TMEM63C: variants seen among roughly 807,000 people sequenced by gnomAD.
The protein encoded by TMEM63C is transmembrane protein 63C, also known as osmosensitive cation channel TMEM63C.
TMEM63C carries 32 observed loss-of-function variants against 99.2 expected under a neutral mutation model. That is an observed-to-expected ratio of 0.32 (90% CI 0.24 to 0.43). TMEM63C has a LOEUF of 0.43. Ranked by LOEUF, TMEM63C falls within the 20% of genes least tolerant of loss-of-function variation. The pLI is 1.00. For missense variants in TMEM63C, 826 were observed against 1,053.0 expected (o/e 0.78, Z 2.98); for synonymous variants, 376 against 397.9 (o/e 0.94, Z 0.66).
chr14:77,191,764 G>A (rs892550902), intron 1 of TMEM63C, among the ~76,000 whole-genome samples: 7 of 151,530 alleles, frequency 4.6e-5, no homozygotes, highest in Non-Finnish European at 7.4e-5. Context: ...GGCTGGTCTC[G>A]AACTCCCGAC....
At chr14:77,203,617 C>T (rs1156404195) in intron 1 of TMEM63C, among the ~76,000 whole-genome samples, 1 of 152,246 alleles carries the variant, frequency 6.6e-6, no homozygotes, top group African/African-American at 2.4e-5. Flanking sequence ...CTTGGATCTC[C>T]TCCACCTGAC....
chr14:77,204,224 C>T (rs1320876083), intron 1 of TMEM63C, among the ~76,000 whole-genome samples: 1 of 151,750 alleles, frequency 6.6e-6, no homozygotes, highest in Admixed American at 6.6e-5. Context: ...TGCTCCACAA[C>T]ACTCAAATAT....
chr14:77,232,253 G>T (rs559615356), intron 7 of TMEM63C, among the ~76,000 whole-genome samples: 61 of 151,480 alleles, frequency 4.0e-4, no homozygotes, highest in African/African-American at 1.4e-3. Flanking sequence ...CCTTTGCCTA[G>T]CTAATATGTT....
At chr14:77,212,770 C>G (rs182562010) in intron 1 of TMEM63C, among the ~76,000 whole-genome samples, 1 of 152,314 alleles carries the variant, frequency 6.6e-6, no homozygotes, top group East Asian at 1.9e-4. Context: ...TCCTCCCTCA[C>G]TGCCCTGCAG....
In TMEM63C at chr14:77,210,306, G is replaced by A. The variant is rs117775246; in HGVS notation, c.-76-3140G>A. Among the ~76,000 whole-genome samples the A allele has an allele frequency of 4.3e-3, 652 of 152,244 alleles. 37 individuals carry two copies. In the East Asian group the frequency reaches 0.096, roughly 22 times the overall value. On this transcript the variant is annotated intron_variant, in intron 1 of 23. Transcript: ENST00000298351. ...TAAGGAGTCACTGAAAGCACTGAGT[G>A]GGGAGCCAAAAACCCCCAGTTCTAT...
chr14:77,207,134 A>G (rs1011207020), intron 1 of TMEM63C, among the ~76,000 whole-genome samples: 8 of 152,184 alleles, frequency 5.3e-5, no homozygotes, highest in Non-Finnish European at 1.0e-4. Context: ...CATAGGCAGA[A>G]AGCCATGGGT....
Position 77,225,720 on chromosome 14 carries a change from CT to C in TMEM63C, c.350+260del, listed in dbSNP as rs1460014197. On this transcript the variant is annotated intron_variant, in intron 6 of 23. Transcript: ENST00000298351. ...ACCACTTTTAATAGCTGAATCATTA[CT>C]CGCGTGCTTATAGAAATGCTTCTGT... 5.9e-5 allele frequency among the ~76,000 whole-genome samples: 9 copies of C among 152,316 alleles called. 1 individual carries two copies. The highest frequency in any genetic ancestry group is 1.9e-4 in the African/African-American group (8 of 41,568).
chr14:77,239,421 T>C lies in TMEM63C; in HGVS notation c.735T>C (p.Tyr245=), dbSNP rs17750422. The change falls in exon 11 of 24, where the codon TAT becomes TAC. Residue 245 remains tyrosine (Y), a synonymous_variant. Transcript: ENST00000298351. ...ATGTTTGTGGCTGCAGCGAGGCCTA[T>C]CCAGGCAGTGTCGTGACAAGAGTCC... is the stretch of plus-strand genomic sequence containing the variant. The part of the protein sequence containing the change: ...ELIIKHFHEA[Y]PGSVVTRVHF... 2.6e-3 allele frequency: 4,272 copies of C among 1,613,628 alleles called. 4 individuals carry two copies. The highest frequency in any genetic ancestry group is 3.3e-3 in the Non-Finnish European group (3,943 of 1,179,854).
chr14:77,240,401 G>A, intron 12 of TMEM63C, 74 bp from the exon 13 acceptor site: 2 of 1,505,608 alleles, frequency 1.3e-6, no homozygotes, highest in East Asian at 2.4e-5. Context: ...AGGCTTGAGT[G>A]GGGAGGAACC....
chr14:77,184,408 T>C (rs1887963340), intron 1 of TMEM63C, among the ~76,000 whole-genome samples: 1 of 152,188 alleles, frequency 6.6e-6, no homozygotes, highest in Admixed American at 6.5e-5. Flanking sequence ...CCTACAGGCC[T>C]GTACCCTCCC....
At chr14:77,207,589 C>G (rs527994552) in intron 1 of TMEM63C, among the ~76,000 whole-genome samples, 67 of 152,348 alleles carry the variant, frequency 4.4e-4, no homozygotes, top group African/African-American at 1.5e-3. Flanking sequence ...CTGCCTTTGT[C>G]TCTCTCCAGC....
chr14:77,203,617 C>A (rs1156404195), intron 1 of TMEM63C, among the ~76,000 whole-genome samples: 1 of 152,246 alleles, frequency 6.6e-6, no homozygotes, highest in Non-Finnish European at 1.5e-5. Flanking sequence ...CTTGGATCTC[C>A]TCCACCTGAC....
intron 1 of TMEM63C, among the ~76,000 whole-genome samples, chr14:77,192,873 A>T (rs1178513942): frequency 6.6e-6 from 1 of 152,146 alleles, no homozygotes; most frequent in African/African-American, 2.4e-5. Flanking sequence ...AAGAACAACA[A>T]CAACAGGAGG....
At chr14:77,226,166 C>G (rs964062093) in intron 6 of TMEM63C, among the ~76,000 whole-genome samples, 2 of 152,222 alleles carry the variant, frequency 1.3e-5, no homozygotes, top group African/African-American at 4.8e-5. Flanking sequence ...GCCTCCACCT[C>G]AGACCCCACA....
chr14:77,187,398 C>T (rs4313745), intron 1 of TMEM63C, among the ~76,000 whole-genome samples: 90,782 of 152,096 alleles, frequency 0.6, 27,356 homozygotes, highest in East Asian at 0.79. Context: ...TCTCGAGTCA[C>T]GGGAGCAGGG....
intron 2 of TMEM63C, among the ~76,000 whole-genome samples, chr14:77,215,591 A>C (rs1192765324): frequency 2.1e-5 from 3 of 141,730 alleles, no homozygotes; most frequent in African/African-American, 8.2e-5. Flanking sequence ...ACAGAGTGAG[A>C]CTCTGTCTCA....
chr14:77,228,789 G>A (rs1888882101), intron 6 of TMEM63C, among the ~76,000 whole-genome samples: 1 of 151,960 alleles, frequency 6.6e-6, no homozygotes, highest in South Asian at 2.1e-4. Context: ...TGCCCATCTT[G>A]GCCCCCCAAA....
chr14:77,231,843 G>A (rs1888949066), intron 7 of TMEM63C, 113 bp downstream of exon 7: 1 of 1,242,446 alleles, frequency 8.0e-7, no homozygotes, highest in East Asian at 2.6e-5. Flanking sequence ...CTGCCTCTGG[G>A]AGTTTGTTGT....
At chr14:77,210,393 C>A (rs1888475329) in intron 1 of TMEM63C, among the ~76,000 whole-genome samples, 1 of 152,184 alleles carries the variant, frequency 6.6e-6, no homozygotes, top group African/African-American at 2.4e-5. Context: ...GACTCAGTTT[C>A]TCCATATGTA....
Sources: gnomAD v4.1 joint callset for allele counts (sites outside exome capture counted in the v4.1 genomes callset) on GRCh38, gnomAD v4.1.1 for gene constraint, MANE v1.5 for transcripts, NCBI Gene and HGNC (gene_info 2026-07-23, HGNC 2026-07-21) for gene names.